NAALADL1: variants seen among roughly 807,000 people sequenced by gnomAD.
NAALADL1 encodes aminopeptidase NAALADL1.
In NAALADL1, 77 loss-of-function variants were observed where a neutral mutation model predicts 82.8. The observed-to-expected ratio is 0.93, with a 90% CI of 0.77 to 1.12. NAALADL1 has a LOEUF of 1.12. NAALADL1 is among the 50% of genes most tolerant of loss of function. The pLI is 0.00. For synonymous variants in NAALADL1, 358 were observed against 399.2 expected (o/e 0.90, Z 1.23); for missense variants, 956 against 964.0 (o/e 0.99, Z 0.11).
chr11:65,045,993 G>C, intron 16 of NAALADL1, 34 bp downstream of exon 16: 2 of 1,611,364 alleles, frequency 1.2e-6, no homozygotes, highest in Non-Finnish European at 1.7e-6. Context: ...CCTGGGTGCT[G>C]CCCTCCCAGC....
At position 65,054,647 on chromosome 11, in the gene NAALADL1, G is replaced by A. The variant is rs771647407; in HGVS notation, c.695C>T (p.Thr232Ile). The stretch of plus-strand genomic sequence containing the variant: ...GGGCAGGTACCAGGAGTTGGGAAAG[G>A]TTTCGTCGGGTGAGCTCAGCCCATC... ...INDGLSSPDE[T>I]FPNSWYLPPS... The change falls in exon 5 of 18, where the codon ACC becomes ATC. Residue 232 changes from threonine to isoleucine, a missense_variant. Thr to Ile is a moderately conservative substitution (Grantham distance 89). Coordinates refer to ENST00000358658, the MANE Select transcript of NAALADL1 (RefSeq NM_005468.3). The surrounding 1 kb of genome is among the most constrained non-coding windows in gnomAD (Gnocchi z 4.3). 4.3e-6 allele frequency: 7 copies of A among 1,614,158 alleles called. No individual in the cohort carries two copies. Among genetic ancestry groups the A allele is most frequent in the Non-Finnish European group, 5.9e-6 (7 of 1,180,018 alleles).
intron 4 of NAALADL1, among the ~76,000 whole-genome samples, chr11:65,056,441 C>T (rs1026878899): frequency 9.2e-5 from 14 of 152,090 alleles, no homozygotes; most frequent in Non-Finnish European, 1.9e-4. Context: ...GCTCTGTCAC[C>T]CAGGCTGGAG....
In NAALADL1 at chr11:65,045,275, A is replaced by C; in HGVS notation, c.2219T>G (p.Leu740Arg). ...AAATLRPVADL is the reference protein window; with the variant it reads ...AAATLRPVADR ...GCTGAAGAAAGAGGGCTGGGGTCAGAGGTCAGCCACAGGCCTCAGGGTGGC... is the reference window on the plus strand; with the variant it reads ...GCTGAAGAAAGAGGGCTGGGGTCAGCGGTCAGCCACAGGCCTCAGGGTGGC... Residue 740 changes from leucine to arginine, a missense_variant, in exon 18 of 18, where the codon CTC (leucine) becomes CGC (arginine). Coordinates refer to ENST00000358658, the MANE Select transcript of NAALADL1 (RefSeq NM_005468.3). 1.2e-6 allele frequency: 2 copies of C among 1,604,800 alleles called. No homozygotes were observed. The highest frequency in any genetic ancestry group is 2.2e-5 in the East Asian group (1 of 44,610).
chr11:65,047,360 C>T, intron 13 of NAALADL1, 115 bp downstream of exon 13: 2 of 825,778 alleles, frequency 2.4e-6, no homozygotes, highest in Non-Finnish European at 3.8e-6. Flanking sequence ...AGAAACTTGG[C>T]AGAGGTAGCA....
intron 8 of NAALADL1, among the ~76,000 whole-genome samples, chr11:65,049,428 T>G (rs566951456): frequency 5.0e-4 from 76 of 152,258 alleles, no homozygotes; most frequent in African/African-American, 1.8e-3. Flanking sequence ...AAACCCAAAT[T>G]GAGGGTTATT....
Position 65,045,250 on chromosome 11 carries a change from G to T in NAALADL1, c.*21C>A, listed in dbSNP as rs371674868. 9 of 1,600,972 alleles carry T rather than the reference G, an allele frequency of 5.6e-6. No individual in the cohort carries two copies. The highest frequency in any genetic ancestry group is 7.7e-6 in the Non-Finnish European group (9 of 1,172,676). ...AGGAGAGGGTTGGAGTAAAGGGAGGGCTGAAGAAAGAGGGCTGGGGTCAGA... is the reference window on the plus strand; with the variant it reads ...AGGAGAGGGTTGGAGTAAAGGGAGGTCTGAAGAAAGAGGGCTGGGGTCAGA... On this transcript the variant is annotated 3_prime_UTR_variant, in exon 18 of 18. Coordinates refer to ENST00000358658, the MANE Select transcript of NAALADL1 (RefSeq NM_005468.3).
intron 8 of NAALADL1, 137 bp from the exon 9 acceptor site, chr11:65,048,522 A>C: frequency 1.1e-6 from 1 of 928,124 alleles, no homozygotes; most frequent in Non-Finnish European, 1.7e-6. Flanking sequence ...GGCACCCTGC[A>C]GCCAGGCCTT....
At chr11:65,047,794 G>A (rs956622573) in intron 11 of NAALADL1, 56 bp from the exon 12 acceptor site, 1 of 1,535,230 alleles carries the variant, frequency 6.5e-7, no homozygotes, top group African/African-American at 1.4e-5. Context: ...CCCAACAACA[G>A]GGCGGGTTCT....
rs1946882844 is a variant in NAALADL1, at chr11:65,051,329, T to C, written c.1198+1889A>G. 1.1e-4 allele frequency among the ~76,000 whole-genome samples: 6 copies of C among 52,398 alleles called. No homozygotes were observed. The East Asian group carries it at 7.1e-3, about 62-fold the overall frequency. The allele number at this position is 52,398 out of a possible 152,430, so 34.4% of individuals were successfully genotyped here. On this transcript the variant is annotated intron_variant, in intron 8 of 17. Coordinates refer to ENST00000358658, the MANE Select transcript of NAALADL1 (RefSeq NM_005468.3). ...TTTCTTTCTTTCTTTTTTTTTTTTT[T>C]TTTTTTTTTTTTTTTTTTTTTTTTT...
In NAALADL1 at chr11:65,046,469, A is replaced by G. The variant is rs1481472557; in HGVS notation, c.1657T>C (p.Tyr553His). 2 of 1,614,010 alleles carry G rather than the reference A, an allele frequency of 1.2e-6. No individual in the cohort carries two copies. Among genetic ancestry groups the G allele is most frequent in the Non-Finnish European group, 8.5e-7 (1 of 1,180,024 alleles). ...CCCGGGTCCAAAAACTTGTCCACAT[A>G]GTCAAAGGTGTCAAAGGCTGTGTGG... ...TYHTAFDTFD[Y>H]VDKFLDPGFS... The change falls in exon 14 of 18, where the codon TAT becomes CAT. Residue 553 changes from tyrosine to histidine, a missense_variant. Coordinates refer to ENST00000358658, the MANE Select transcript of NAALADL1 (RefSeq NM_005468.3).
At chr11:65,058,980 C>A (rs1384010344), upstream of NAALADL1, among the ~76,000 whole-genome samples, 1 of 152,012 alleles carries the variant, frequency 6.6e-6, no homozygotes, top group East Asian at 1.9e-4. Context: ...AGCTGTGTGA[C>A]CTTGGGCAAT....
At chr11:65,057,303 A>G in intron 4 of NAALADL1, 68 bp downstream of exon 4, 3 of 1,513,318 alleles carry the variant, frequency 2.0e-6, no homozygotes, top group Non-Finnish European at 2.7e-6. Flanking sequence ...CCTTCCCCTC[A>G]CTTCCTCCAG....
chr11:65,044,902 G>A lies in NAALADL1; in HGVS notation c.*369C>T, dbSNP rs556863960. 19 of 767,174 alleles carry A rather than the reference G, an allele frequency of 2.5e-5. No homozygotes were observed. Among genetic ancestry groups the A allele is most frequent in the African/African-American group, 2.1e-4 (12 of 57,062 alleles). The allele number at this position is 767,174 out of a possible 1,614,324, so 47.5% of individuals were successfully genotyped here. A position where few individuals can be genotyped will look rare whatever the true frequency, so the allele number is the denominator to read the frequency against. ...ATACACAGCATGCAGGGAGAGGAAC[G>A]CAGACTAGCCAAGGCCTAAGGTACC... On this transcript the variant is annotated 3_prime_UTR_variant, in exon 18 of 18. Coordinates refer to ENST00000358658, the MANE Select transcript of NAALADL1 (RefSeq NM_005468.3). The surrounding 1 kb of genome is among the most constrained non-coding windows in gnomAD (Gnocchi z 4.0).
At chr11:65,049,252 C>A in intron 8 of NAALADL1, among the ~76,000 whole-genome samples, 1 of 152,158 alleles carries the variant, frequency 6.6e-6, no homozygotes, top group Non-Finnish European at 1.5e-5. Context: ...AACTCCTGAG[C>A]TCAAGTGATC....
intron 12 of NAALADL1, 21 bp downstream of exon 12, chr11:65,047,626 C>G: frequency 4.4e-6 from 7 of 1,592,444 alleles, no homozygotes; most frequent in Non-Finnish European, 6.0e-6. Flanking sequence ...GCTCCGGGCC[C>G]CCTTCTGTCC....
At position 65,046,040 on chromosome 11, in the gene NAALADL1, T is replaced by C; in HGVS notation, c.1930A>G (p.Lys644Glu). The stretch of plus-strand genomic sequence containing the variant: ...GCCCTTGCTCACTCAGGGCTGCCCT[T>C]CTGCAGTGTTGATATGCGTTGGCCC... ...ALGQRISTLQ[K>E]GSPDPLQVRM... is the part of the protein sequence containing the mutation. Residue 644 changes from lysine (K) to glutamate (E), a missense_variant, in exon 16 of 18, where the codon AAG becomes GAG. Coordinates refer to ENST00000358658, the MANE Select transcript of NAALADL1 (RefSeq NM_005468.3). The C allele has an allele frequency of 6.2e-7, 1 of 1,613,980 alleles. No individual in the cohort carries two copies. The highest frequency in any genetic ancestry group is 8.5e-7 in the Non-Finnish European group (1 of 1,179,990).
rs766138616 is a variant in NAALADL1, at chr11:65,057,493, C to T, written c.481G>A (p.Gly161Ser). The change falls in exon 4 of 18, where the codon GGC (glycine) becomes AGC (serine). Residue 161 changes from glycine to serine, a missense_variant and splice_region_variant. By Grantham distance (56) the Gly-to-Ser change is moderately conservative. Transcript: ENST00000358658. The stretch of plus-strand genomic sequence containing the variant: ...CCCCGGTTGGCATAGACGAGGAGGC[C>T]CTAGTCCCAAGAGGGGGTGATCCTT... Reference protein sequence around the residue: ...AAYAPSGTPQGLLVYANRGAE... With the variant: ...AAYAPSGTPQSLLVYANRGAE... 9 of 1,612,362 alleles carry T rather than the reference C, an allele frequency of 5.6e-6. No homozygotes were observed. The highest frequency in any genetic ancestry group is 1.7e-4 in the Middle Eastern group (1 of 6,052).
chr11:65,060,404 G>A (rs1411336270), upstream of NAALADL1, among the ~76,000 whole-genome samples: 1 of 152,082 alleles, frequency 6.6e-6, no homozygotes, highest in East Asian at 1.9e-4. Flanking sequence ...AAGCCCATCG[G>A]TGCAGGGAGC....
chr11:65,048,310 T>C lies in NAALADL1; in HGVS notation c.1274A>G (p.Glu425Gly). Residue 425 changes from glutamate to glycine, a missense_variant, in exon 9 of 18, where the codon GAA becomes GGA. Transcript: ENST00000358658. Reference protein sequence around the residue: ...AEEFGLIGSTEFTEEFFNKLQ... With the variant: ...AEEFGLIGSTGFTEEFFNKLQ... ...TGTAGGGCCACTCACTTCTGTGAAT[T>C]CCGTGGAGCCAATGAGCCCAAACTC... 1 of 1,614,152 alleles carries C rather than the reference T, an allele frequency of 6.2e-7. No homozygotes were observed. The highest frequency in any genetic ancestry group is 8.5e-7 in the Non-Finnish European group (1 of 1,180,028).
Sources: gnomAD v4.1 joint callset for allele counts (sites outside exome capture counted in the v4.1 genomes callset) on GRCh38, gnomAD v4.1.1 for gene constraint, Gnocchi (gnomAD v3.1) non-coding constraint, MANE v1.5 for transcripts, NCBI Gene and HGNC (gene_info 2026-07-23, HGNC 2026-07-21) for gene names.